The following PSD2 variants were observed in gnomAD, a reference collection of about 807,000 sequenced individuals.
PSD2 encodes the protein pleckstrin and Sec7 domain containing 2.
In PSD2, 38 loss-of-function variants were observed where a neutral mutation model predicts 69.8. That is an observed-to-expected ratio of 0.54 (90% CI 0.42 to 0.71). The LOEUF (loss-of-function observed/expected upper bound fraction) is 0.71. Among genes scored for constraint, PSD2 ranks in the 30% least tolerant of loss-of-function variants. PSD2 has a pLI of 0.00. For missense variants in PSD2, 943 were observed against 1,014.5 expected, an observed-to-expected ratio of 0.93 and a Z score of 0.96; for synonymous variants, 412 against 423.0, an observed-to-expected ratio of 0.97 and a Z score of 0.32.
At chr5:139,752,565 C>G in the PSD2 span, among the ~76,000 whole-genome samples, 4 of 152,188 alleles carry the variant, frequency 2.6e-5, no homozygotes, top group South Asian at 8.3e-4. Flanking sequence ...TGGTGACAAA[C>G]ACACAAGGAC....
At position 139,830,608 on chromosome 5, in the gene PSD2, C is replaced by CTT. The variant is rs1469905987; in HGVS notation, c.1270-3093_1270-3092insTT. Among the ~76,000 whole-genome samples the CTT allele has an allele frequency of 4.2e-3, 430 of 101,778 alleles. 4 individuals are homozygous for CTT. Among genetic ancestry groups the CTT allele is most frequent in the African/African-American group, 8.1e-3 (200 of 24,638 alleles). 66.8% of individuals were successfully genotyped at this position (101,778 alleles called of 152,430 possible). A position where few individuals can be genotyped will look rare whatever the true frequency, so the allele number is the denominator to read the frequency against. On this transcript the variant is annotated intron_variant, in intron 7 of 14. Transcript: ENST00000274710. ...TTTCTTTCTTTTTCTTTCTTTCTTT[C>CTT]TCTTTCTTTCTTTCTTTCTCTTTCT...
chr5:139,833,189 A>G (rs1228222749), intron 7 of PSD2, among the ~76,000 whole-genome samples: 3 of 151,972 alleles, frequency 2.0e-5, no homozygotes, highest in Non-Finnish European at 4.4e-5. Context: ...GTGTTGAGTG[A>G]CTTTGGGAGA....
At chr5:139,815,604 A>G (rs1760101014) in intron 4 of PSD2, among the ~76,000 whole-genome samples, 1 of 152,190 alleles carries the variant, frequency 6.6e-6, no homozygotes, top group East Asian at 1.9e-4. Flanking sequence ...TGTGTCTTTG[A>G]ATCTGGTGGT....
intron 4 of PSD2, among the ~76,000 whole-genome samples, chr5:139,815,410 T>A (rs1357961434): frequency 1.3e-5 from 2 of 152,144 alleles, no homozygotes; most frequent in Non-Finnish European, 2.9e-5. Flanking sequence ...TGTCCTCAAG[T>A]CTCTCCCATC....
chr5:139,748,671 C>G, the PSD2 span, among the ~76,000 whole-genome samples: 1 of 152,228 alleles, frequency 6.6e-6, no homozygotes, highest in South Asian at 2.1e-4. Flanking sequence ...GGGTGCAGAC[C>G]TCGAAGAGAA....
rs538685487 is a variant in PSD2 at position 139,801,421 on chromosome 5, C to G, written c.-51+5446C>G. ...TCTTATTGGCAGCATTTGACACATCCAGTCTTCCTCTTCCTTGAAATACCT... is the reference window on the plus strand; with the variant it reads ...TCTTATTGGCAGCATTTGACACATCGAGTCTTCCTCTTCCTTGAAATACCT... On this transcript the variant is annotated intron_variant, in intron 1 of 14. Coordinates refer to ENST00000274710, the MANE Select transcript of PSD2 (RefSeq NM_032289.4). 6.6e-5 allele frequency among the ~76,000 whole-genome samples: 10 copies of G among 152,282 alleles called. No individual in the cohort carries two copies. In the South Asian group the frequency reaches 2.1e-3, roughly 32 times the overall value.
chr5:139,820,366 A>AT (rs1760227743), intron 5 of PSD2, among the ~76,000 whole-genome samples: 3 of 135,440 alleles, frequency 2.2e-5, no homozygotes, highest in African/African-American at 3.1e-5. Context: ...GGAGAAGAGA[A>AT]CGGGAGCAAG....
the PSD2 span, among the ~76,000 whole-genome samples, chr5:139,759,724 A>C: frequency 6.6e-6 from 1 of 152,224 alleles, no homozygotes; most frequent in Non-Finnish European, 1.5e-5. Flanking sequence ...CATCTGCCCT[A>C]ATCACTCCAA....
At chr5:139,753,339 A>G in the PSD2 span, among the ~76,000 whole-genome samples, 1 of 151,742 alleles carries the variant, frequency 6.6e-6, no homozygotes, top group Non-Finnish European at 1.5e-5. Flanking sequence ...GCCACCAATA[A>G]CCTTGTTTCA....
At chr5:139,791,337 G>A (rs1192329751), upstream of PSD2, among the ~76,000 whole-genome samples, 1 of 152,146 alleles carries the variant, frequency 6.6e-6, no homozygotes, top group African/African-American at 2.4e-5. Context: ...GGCTGAGATG[G>A]GAGGATCGCT....
the PSD2 span, among the ~76,000 whole-genome samples, chr5:139,753,633 G>A: frequency 6.6e-6 from 1 of 152,168 alleles, no homozygotes; most frequent in East Asian, 1.9e-4. Flanking sequence ...GAAGCATCTT[G>A]TGTTGGATGC....
Position 139,814,446 on chromosome 5 carries a change from C to T in PSD2, c.1016+82C>T, listed in dbSNP as rs1760067345. 4 of 1,296,836 alleles carry T rather than the reference C, an allele frequency of 3.1e-6. No homozygotes were observed. The Admixed American group carries it at 1.2e-4, about 39-fold the overall frequency. 80.3% of individuals were successfully genotyped at this position (1,296,836 alleles called of 1,614,324 possible). On this transcript the variant is annotated intron_variant, in intron 4 of 14. Coordinates refer to ENST00000274710, the MANE Select transcript of PSD2 (RefSeq NM_032289.4). This position sits in a 1 kb window ranked among gnomAD's most constrained non-coding sequence, Gnocchi z 4.4. ...TGAAGAGGGTGTGGGTGACCTTCTT[C>T]AGGGGTGCCAGGTGCTGGGGGGGCA... is the stretch of plus-strand genomic sequence containing the variant.
chr5:139,756,086 G>A, the PSD2 span, among the ~76,000 whole-genome samples: 1 of 152,276 alleles, frequency 6.6e-6, no homozygotes, highest in Non-Finnish European at 1.5e-5. Context: ...ACGCTGCTCT[G>A]GGCTGAGCCT....
chr5:139,829,570 A>T (rs763813057), intron 7 of PSD2, among the ~76,000 whole-genome samples: 4 of 152,226 alleles, frequency 2.6e-5, no homozygotes, highest in Admixed American at 6.5e-5. Flanking sequence ...TAGATATTTC[A>T]TGTGAGTGGG....
Position 139,814,279 on chromosome 5 carries a change from A to C in PSD2, c.931A>C (p.Ser311Arg), listed in dbSNP as rs775487600. The change falls in exon 4 of 15, where the codon AGT (serine) becomes CGT (arginine). Residue 311 changes from serine to arginine, a missense_variant. Around this residue, in one of 3 missense-constraint regions of PSD2, gnomAD observed 466 missense variants for 445.0 expected, o/e 1.05. Transcript: ENST00000274710. This position sits in a 1 kb window ranked among gnomAD's most constrained non-coding sequence, Gnocchi z 4.4. The part of the protein sequence containing the change: ...DPLANGCQGV[S>R]EAAHRLARRL... Reference sequence around the variant, plus strand: ...TCTGGCCAACGGGTGCCAGGGGGTCAGTGAAGCTGCTCATCGGCTGGCACG... The same window carrying C: ...TCTGGCCAACGGGTGCCAGGGGGTCCGTGAAGCTGCTCATCGGCTGGCACG... 2.5e-6 allele frequency: 4 copies of C among 1,613,762 alleles called. No homozygotes were observed.
chr5:139,763,746 C>G, the PSD2 span, among the ~76,000 whole-genome samples: 6 of 152,218 alleles, frequency 3.9e-5, no homozygotes, highest in Non-Finnish European at 8.8e-5. Context: ...CCTTTGCTCT[C>G]ACACCCAGCC....
At chr5:139,780,090 C>G in the PSD2 span, among the ~76,000 whole-genome samples, 1 of 152,194 alleles carries the variant, frequency 6.6e-6, no homozygotes, top group Admixed American at 6.5e-5. Context: ...GTCTAAGAAA[C>G]TGCTTGACCT....
At chr5:139,809,873 G>T (rs138477246) in intron 2 of PSD2, 62 bp downstream of exon 2, 2 of 1,546,764 alleles carry the variant, frequency 1.3e-6, no homozygotes, top group African/African-American at 2.8e-5. Flanking sequence ...TGTGTGGCCT[G>T]GGCTTAGCCA....
chr5:139,801,317 T>C (rs1474487934), intron 1 of PSD2, among the ~76,000 whole-genome samples: 2 of 152,156 alleles, frequency 1.3e-5, no homozygotes, highest in African/African-American at 2.4e-5. Flanking sequence ...TCTACTCTTA[T>C]GGGGCTCCAC....
Sources: allele counts gnomAD v4.1 joint callset (sites outside exome capture counted in the v4.1 genomes callset), GRCh38; gene constraint gnomAD v4.1.1; regional missense constraint gnomAD v4.1.1; non-coding constraint Gnocchi (gnomAD v3.1); transcripts MANE v1.5; gene names NCBI Gene and HGNC (gene_info 2026-07-23, HGNC 2026-07-21).